The following EML1 variants were observed in gnomAD, a reference collection of about 807,000 sequenced individuals.
EML1 encodes EMAP like 1, also known as echinoderm microtubule-associated protein-like 1.
Under a neutral mutation model 110.4 loss-of-function variants are expected in EML1, and 27 were observed. The observed-to-expected ratio is 0.24, with a 90% CI of 0.18 to 0.34. EML1 has a LOEUF of 0.34. EML1 is among the 10% of genes least tolerant of loss of function. The probability of loss-of-function intolerance (pLI) is 1.00; values close to 1 mark genes in which losing one functional copy is unlikely to be tolerated. For synonymous variants in EML1, 344 were observed against 385.8 expected (o/e 0.89, Z 1.27); for missense variants, 741 against 1,030.9 (o/e 0.72, Z 3.85).
At chr14:99,909,313 G>A (rs986073158) in intron 10 of EML1, 32 bp from the exon 11 acceptor site, 2 of 1,613,998 alleles carry the variant, frequency 1.2e-6, no homozygotes, top group African/African-American at 1.3e-5. Flanking sequence ...CTTAAGAGAT[G>A]TGAGGCATCC....
At chr14:99,742,817 A>G (rs11623170) in intron 1 of EML1, among the ~76,000 whole-genome samples, 35,961 of 151,938 alleles carry the variant, frequency 0.24, 4,439 homozygotes, top group East Asian at 0.37. Context: ...TGACACCATA[A>G]GCTCAGGGGT....
At chr14:99,846,066 GAAAAGA>G (rs1180977309) in intron 1 of EML1, among the ~76,000 whole-genome samples, 2 of 141,286 alleles carry the variant, frequency 1.4e-5, no homozygotes, top group East Asian at 2.1e-4. Flanking sequence ...AAAAAAAAAA[GAAAAGA>G]AAAAGAAAAA....
At chr14:99,821,986 C>G (rs1003919382) in intron 1 of EML1, among the ~76,000 whole-genome samples, 1 of 152,142 alleles carries the variant, frequency 6.6e-6, no homozygotes, top group African/African-American at 2.4e-5. Context: ...CAAATGCTGC[C>G]ACGTGGCTGT....
At chr14:99,811,735 G>A (rs1050553567) in intron 1 of EML1, among the ~76,000 whole-genome samples, 3 of 151,258 alleles carry the variant, frequency 2.0e-5, no homozygotes, top group Non-Finnish European at 4.4e-5. Context: ...GCTTGAAACT[G>A]GAAGGTTGAG....
At chr14:99,808,818 T>C (rs774740328) in intron 1 of EML1, among the ~76,000 whole-genome samples, 2 of 152,216 alleles carry the variant, frequency 1.3e-5, no homozygotes, top group Non-Finnish European at 2.9e-5. Flanking sequence ...CAATATAAAA[T>C]GATCTCCTTT....
intron 1 of EML1, among the ~76,000 whole-genome samples, chr14:99,765,348 C>T (rs8010280): frequency 0.7 from 105,778 of 151,908 alleles, 36,973 homozygotes; most frequent in South Asian, 0.83. Flanking sequence ...TCTTGCCAAG[C>T]GGAAACTCTG....
chr14:99,755,444 C>T (rs961890694), intron 1 of EML1, among the ~76,000 whole-genome samples: 6 of 152,180 alleles, frequency 3.9e-5, no homozygotes, highest in Admixed American at 3.3e-4. Context: ...TCTCTCAGCC[C>T]TCCTCTTCTT....
intron 1 of EML1, among the ~76,000 whole-genome samples, chr14:99,741,925 T>A (rs1176314421): frequency 6.6e-6 from 1 of 152,048 alleles, no homozygotes. Context: ...CGTGCCAACG[T>A]GGCCCCCTGC....
chr14:99,933,604 T>C (rs2060413295), intron 17 of EML1, among the ~76,000 whole-genome samples: 1 of 152,256 alleles, frequency 6.6e-6, no homozygotes, highest in African/African-American at 2.4e-5. Flanking sequence ...TGGAGTCAGA[T>C]TGCCTGGGTT....
chr14:99,771,560 C>T (rs923126375), upstream of EML1, among the ~76,000 whole-genome samples: 2 of 152,236 alleles, frequency 1.3e-5, no homozygotes, highest in African/African-American at 4.8e-5. Flanking sequence ...GCCTATATTC[C>T]TAGCACTTTG....
intron 1 of EML1, among the ~76,000 whole-genome samples, chr14:99,760,642 GT>G (rs1288008931): frequency 6.6e-6 from 1 of 152,192 alleles, no homozygotes. Context: ...AGCATGCAAA[GT>G]GCTGATTTTC....
At chr14:99,808,027 C>G (rs748331178) in intron 1 of EML1, among the ~76,000 whole-genome samples, 1 of 152,118 alleles carries the variant, frequency 6.6e-6, no homozygotes, top group Non-Finnish European at 1.5e-5. Context: ...CCTTAAGACC[C>G]GGCCTACAGA....
chr14:99,864,922 G>A (rs537114354), intron 2 of EML1, among the ~76,000 whole-genome samples: 2 of 151,594 alleles, frequency 1.3e-5, no homozygotes, highest in South Asian at 2.1e-4. Flanking sequence ...CTTAGCTTAT[G>A]TTCTGTAAAA....
chr14:99,871,012 A>G lies in EML1; in HGVS notation c.383+5366A>G, dbSNP rs545218168. Among the ~76,000 whole-genome samples, 130 of 152,072 alleles carry G rather than the reference A, an allele frequency of 8.5e-4. 1 individual carries two copies. Among genetic ancestry groups the G allele is most frequent in the African/African-American group, 3.1e-3 (128 of 41,490 alleles). On this transcript the variant is annotated intron_variant, in intron 3 of 21. Transcript: ENST00000262233. ...TGCTCTGTCACCCAGGCTGGAGTGC[A>G]GTGGCGCGATTTTGGCTCACTGCAA...
intron 4 of EML1, among the ~76,000 whole-genome samples, chr14:99,884,473 G>T (rs1398197309): frequency 6.6e-6 from 1 of 152,174 alleles, no homozygotes; most frequent in Non-Finnish European, 1.5e-5. Flanking sequence ...CCTAACAAAT[G>T]TCAGTGGCAC....
chr14:99,847,644 C>G (rs531170937), intron 1 of EML1, among the ~76,000 whole-genome samples: 2 of 152,230 alleles, frequency 1.3e-5, no homozygotes, highest in East Asian at 3.9e-4. Context: ...ATAGAATTGT[C>G]TGTTTCTAAC....
chr14:99,940,731 C>T lies in EML1; in HGVS notation c.*619C>T, dbSNP rs911839570. ...AGCAGACTCTACTCCTAACTGACTTCAATATTTCAGCAGGGTACACAGGCG... is the reference window on the plus strand; with the variant it reads ...AGCAGACTCTACTCCTAACTGACTTTAATATTTCAGCAGGGTACACAGGCG... On this transcript the variant is annotated 3_prime_UTR_variant, in exon 22 of 22. Coordinates refer to ENST00000262233, the MANE Select transcript of EML1 (RefSeq NM_004434.3). The T allele has an allele frequency of 2.6e-5, 4 of 152,306 alleles. No homozygotes were observed. Among genetic ancestry groups the T allele is most frequent in the African/African-American group, 9.6e-5 (4 of 41,562 alleles). 9.4% of individuals were successfully genotyped at this position (152,306 alleles called of 1,614,324 possible). A position where few individuals can be genotyped will look rare whatever the true frequency, so the allele number is the denominator to read the frequency against.
chr14:99,892,544 G>A (rs997141221), intron 5 of EML1, among the ~76,000 whole-genome samples: 3 of 152,092 alleles, frequency 2.0e-5, no homozygotes, highest in Non-Finnish European at 4.4e-5. Context: ...TGGGTTTGGT[G>A]GCGTGTGTGC....
intron 8 of EML1, among the ~76,000 whole-genome samples, chr14:99,899,104 T>C (rs771269690): frequency 1.2e-4 from 19 of 152,168 alleles, no homozygotes; most frequent in Non-Finnish European, 1.5e-4. Context: ...AAGACTTTAA[T>C]TTGCATTTTA....
Sources: gnomAD v4.1 joint callset for allele counts (sites outside exome capture counted in the v4.1 genomes callset) on GRCh38, gnomAD v4.1.1 for gene constraint, MANE v1.5 for transcripts, NCBI Gene and HGNC (gene_info 2026-07-23, HGNC 2026-07-21) for gene names.